Variants in ATF6 observed in about 807,000 individuals in gnomAD.
ATF6 encodes activating transcription factor 6.
In ATF6, 53 loss-of-function variants were observed where a neutral mutation model predicts 83.6. The ratio of observed to expected loss-of-function variants is 0.63; its 90% confidence interval spans 0.51 to 0.80. The LOEUF (loss-of-function observed/expected upper bound fraction) is 0.80. Ranked by LOEUF, ATF6 falls within the 30% of genes least tolerant of loss-of-function variation. The probability of loss-of-function intolerance (pLI) is 0.00; values close to 1 mark genes in which losing one functional copy is unlikely to be tolerated. For missense variants in ATF6, 744 were observed against 797.9 expected, an observed-to-expected ratio of 0.93 and a Z score of 0.81; for synonymous variants, 288 against 285.8, an observed-to-expected ratio of 1.01 and a Z score of -0.08.
chr1:161,851,981 A>G, intron 11 of ATF6, 146 bp downstream of exon 11: 1 of 605,876 alleles, frequency 1.7e-6, no homozygotes, highest in South Asian at 2.4e-5. Flanking sequence ...TTAGTTGTCC[A>G]GTTTCTCCAC....
At chr1:161,845,041 GT>G (rs1352612870) in intron 9 of ATF6, among the ~76,000 whole-genome samples, 1 of 152,228 alleles carries the variant, frequency 6.6e-6, no homozygotes, top group Admixed American at 6.5e-5. Flanking sequence ...CCTTTGAAGA[GT>G]TTGCAGTATG....
Position 161,766,322 on chromosome 1 carries a change from A to G in ATF6, c.-39A>G. On this transcript the variant is annotated 5_prime_UTR_variant, in exon 1 of 16. Transcript: ENST00000367942. ...TGTCCGCCTGCCGCCGCCGTCCCAG[A>G]TATTAATCACGGAGTTCCAGGGAGA... 3 of 1,596,274 alleles carry G rather than the reference A, an allele frequency of 1.9e-6. No homozygotes were observed. Among genetic ancestry groups the G allele is most frequent in the Non-Finnish European group, 2.6e-6 (3 of 1,164,852 alleles).
chr1:161,957,301 G>A (rs891149866), intron 15 of ATF6, among the ~76,000 whole-genome samples: 1 of 152,100 alleles, frequency 6.6e-6, no homozygotes, highest in South Asian at 2.1e-4. Context: ...AGGCAGTACA[G>A]AACTAGGTTG....
At chr1:161,786,616 A>C (rs1248283510) in intron 4 of ATF6, among the ~76,000 whole-genome samples, 1 of 152,098 alleles carries the variant, frequency 6.6e-6, no homozygotes, top group Admixed American at 6.5e-5. Flanking sequence ...TCTCAAATTC[A>C]CAGAAGTGTT....
intron 9 of ATF6, among the ~76,000 whole-genome samples, chr1:161,839,553 C>T (rs1186619292): frequency 6.6e-6 from 1 of 151,912 alleles, no homozygotes; most frequent in African/African-American, 2.4e-5. Context: ...TTATTATTAT[C>T]GTAGAGATGA....
intron 14 of ATF6, among the ~76,000 whole-genome samples, chr1:161,911,867 G>T (rs181946709): frequency 6.6e-6 from 1 of 152,286 alleles, no homozygotes; most frequent in African/African-American, 2.4e-5. Context: ...GATACTCTCA[G>T]TATCTTGTGA....
chr1:161,818,443 GA>G (rs1685669972), intron 7 of ATF6, among the ~76,000 whole-genome samples: 1 of 152,188 alleles, frequency 6.6e-6, no homozygotes, highest in Non-Finnish European at 1.5e-5. Context: ...AGTAGGATCA[GA>G]TGTGGTTTGG....
chr1:161,789,695 TA>T (rs1684834543), intron 4 of ATF6, among the ~76,000 whole-genome samples: 1 of 152,224 alleles, frequency 6.6e-6, no homozygotes, highest in Non-Finnish European at 1.5e-5. Flanking sequence ...CTTGGCTGTA[TA>T]ATTACTGATA....
chr1:161,867,945 A>G (rs559695440), intron 14 of ATF6, among the ~76,000 whole-genome samples: 18 of 152,344 alleles, frequency 1.2e-4, no homozygotes, highest in Non-Finnish European at 2.2e-4. Context: ...TAACACTGTC[A>G]TATATACGGC....
chr1:161,791,015 C>A (rs1270775198), intron 4 of ATF6, among the ~76,000 whole-genome samples: 1 of 151,314 alleles, frequency 6.6e-6, no homozygotes, highest in African/African-American at 2.4e-5. Flanking sequence ...TTAACTGCAA[C>A]CTTATACTGA....
intron 15 of ATF6, among the ~76,000 whole-genome samples, chr1:161,914,897 C>G (rs1273903601): frequency 6.6e-6 from 1 of 152,170 alleles, no homozygotes; most frequent in African/African-American, 2.4e-5. Context: ...TATGCCTGCT[C>G]TCAAGCAGCT....
rs765582102 is a variant in ATF6, at chr1:161,791,479, C to G, written c.426C>G (p.Leu142=). The G allele has an allele frequency of 8.1e-6, 13 of 1,612,832 alleles. No homozygotes were observed. In the East Asian group the frequency reaches 1.8e-4, roughly 22 times the overall value. Residue 142 remains leucine (L), a synonymous_variant, in exon 5 of 16, where the codon CTC becomes CTG. Coordinates refer to ENST00000367942, the MANE Select transcript of ATF6 (RefSeq NM_007348.4). The part of the protein sequence containing the change: ...LSLYGENSNS[L]SSAEPLKEDK... ...TATATGGTGAAAACTCTAATAGTCTCTCTTCAGCGGAGCCACTGAAGGAAG... is the reference window on the plus strand; with the variant it reads ...TATATGGTGAAAACTCTAATAGTCTGTCTTCAGCGGAGCCACTGAAGGAAG...
At chr1:161,793,801 G>T (rs1011498357) in intron 6 of ATF6, among the ~76,000 whole-genome samples, 124 of 152,322 alleles carry the variant, frequency 8.1e-4, no homozygotes, top group African/African-American at 2.9e-3. Context: ...ATCAGTTCCA[G>T]AAACCTGAAT....
At chr1:161,893,656 C>CTTA (rs1222651032) in intron 14 of ATF6, among the ~76,000 whole-genome samples, 2 of 152,102 alleles carry the variant, frequency 1.3e-5, no homozygotes, top group Non-Finnish European at 2.9e-5. Context: ...TTTATTTTCC[C>CTTA]TGTAAGGTGT....
At chr1:161,914,523 T>C (rs1688051712) in intron 15 of ATF6, among the ~76,000 whole-genome samples, 1 of 152,222 alleles carries the variant, frequency 6.6e-6, no homozygotes, top group Admixed American at 6.5e-5. Context: ...TCCAGTCATC[T>C]TTTATTCCGC....
chr1:161,858,175 T>C (rs570189811), intron 12 of ATF6, among the ~76,000 whole-genome samples: 1 of 152,040 alleles, frequency 6.6e-6, no homozygotes, highest in Admixed American at 6.6e-5. Flanking sequence ...CTAAAAAATA[T>C]GCAGTTCAGT....
chr1:161,810,087 G>T (rs1477597243), intron 7 of ATF6, among the ~76,000 whole-genome samples: 2 of 152,170 alleles, frequency 1.3e-5, no homozygotes, highest in Non-Finnish European at 2.9e-5. Flanking sequence ...CAGTCACAGG[G>T]CTTAATGGAG....
Position 161,863,242 on chromosome 1 carries a change from G to T in ATF6, c.1649G>T (p.Arg550Ile). Residue 550 changes from arginine (R) to isoleucine (I), a missense_variant, in exon 14 of 16, where the codon AGA becomes ATA. Coordinates refer to ENST00000367942, the MANE Select transcript of ATF6 (RefSeq NM_007348.4). ...CTACAAGTGTATTATGCTTCACCCAGAAGTTATCAAGACTTTTTTGAAGCC... is the reference window on the plus strand; with the variant it reads ...CTACAAGTGTATTATGCTTCACCCATAAGTTATCAAGACTTTTTTGAAGCC... Reference protein sequence around the residue: ...SELQVYYASPRSYQDFFEAIR... With the variant: ...SELQVYYASPISYQDFFEAIR... 6.2e-7 allele frequency: 1 copy of T among 1,613,286 alleles called. No individual in the cohort carries two copies. The highest frequency in any genetic ancestry group is 8.5e-7 in the Non-Finnish European group (1 of 1,179,378).
At chr1:161,771,575 C>T (rs1684390365) in intron 1 of ATF6, among the ~76,000 whole-genome samples, 2 of 152,146 alleles carry the variant, frequency 1.3e-5, no homozygotes, top group Admixed American at 1.3e-4. Context: ...CATCCTCTAC[C>T]TCTCCTGATT....
Sources: gnomAD v4.1 joint callset for allele counts (sites outside exome capture counted in the v4.1 genomes callset) on GRCh38, gnomAD v4.1.1 for gene constraint, MANE v1.5 for transcripts, NCBI Gene and HGNC (gene_info 2026-07-23, HGNC 2026-07-21) for gene names.